TAFA2: variants seen among roughly 807,000 people sequenced by gnomAD.
TAFA2 encodes TAFA chemokine like family member 2.
A neutral mutation model predicts 18.8 loss-of-function variants in TAFA2; 7 were observed. The observed-to-expected ratio is 0.37, with a 90% CI of 0.21 to 0.70. The LOEUF (loss-of-function observed/expected upper bound fraction) is 0.70. TAFA2 is among the 30% of genes least tolerant of loss of function. The pLI, the probability that TAFA2 is intolerant of heterozygous loss-of-function variation, is 0.53. For missense variants in TAFA2, 122 were observed against 158.1 expected (o/e 0.77, Z 1.23); for synonymous variants, 60 against 54.2 (o/e 1.11, Z -0.47).
At chr12:62,228,309 C>T (rs1326761403) in intron 1 of TAFA2, among the ~76,000 whole-genome samples, 2 of 152,076 alleles carry the variant, frequency 1.3e-5, no homozygotes, top group Non-Finnish European at 2.9e-5. Context: ...GGGTTGATTT[C>T]ATGTCTTTGC....
intron 1 of TAFA2, among the ~76,000 whole-genome samples, chr12:62,035,556 A>G (rs763166674): frequency 3.7e-4 from 38 of 101,786 alleles, no homozygotes; most frequent in Non-Finnish European, 6.0e-4. Flanking sequence ...AAAAAAAATT[A>G]AAAAAAAAAA....
At chr12:62,113,992 G>A (rs1869848066) in intron 1 of TAFA2, among the ~76,000 whole-genome samples, 1 of 152,192 alleles carries the variant, frequency 6.6e-6, no homozygotes, top group South Asian at 2.1e-4. Flanking sequence ...CTTTCCAAGG[G>A]AGTGAATGAT....
At chr12:61,792,313 C>T (rs1051092170) in intron 2 of TAFA2, among the ~76,000 whole-genome samples, 3 of 151,232 alleles carry the variant, frequency 2.0e-5, no homozygotes, top group African/African-American at 4.8e-5. Context: ...GAAAAATAAG[C>T]CCTGGTGTTT....
intron 1 of TAFA2, among the ~76,000 whole-genome samples, chr12:62,039,145 A>G (rs1429066299): frequency 6.6e-6 from 1 of 152,228 alleles, no homozygotes; most frequent in African/African-American, 2.4e-5. Context: ...ATGTAGACCC[A>G]GAATTACCAA....
chr12:62,136,280 G>T (rs1050677401), intron 1 of TAFA2, among the ~76,000 whole-genome samples: 6 of 152,074 alleles, frequency 3.9e-5, no homozygotes, highest in Admixed American at 2.0e-4. Context: ...ACCCACAATT[G>T]TTGTGAATCG....
intron 1 of TAFA2, among the ~76,000 whole-genome samples, chr12:62,064,849 A>G (rs1220173701): frequency 6.6e-6 from 1 of 151,986 alleles, no homozygotes; most frequent in African/African-American, 2.4e-5. Flanking sequence ...AGAACTTCCA[A>G]TACCTATTAC....
intron 1 of TAFA2, among the ~76,000 whole-genome samples, chr12:61,895,882 T>A (rs1875820322): frequency 1.3e-5 from 2 of 152,076 alleles, no homozygotes; most frequent in South Asian, 4.1e-4. Flanking sequence ...ATCCTAAAGA[T>A]ACGTGTCAGA....
intron 1 of TAFA2, among the ~76,000 whole-genome samples, chr12:62,023,933 A>G (rs1177826230): frequency 1.3e-5 from 2 of 152,226 alleles, no homozygotes; most frequent in African/African-American, 4.8e-5. Flanking sequence ...GGAGAGTTAA[A>G]TAGGCATTTG....
chr12:61,852,627 A>G (rs1873722268), intron 2 of TAFA2, among the ~76,000 whole-genome samples: 1 of 152,182 alleles, frequency 6.6e-6, no homozygotes, highest in Non-Finnish European at 1.5e-5. Flanking sequence ...CATAAATACT[A>G]AGAAGAAATC....
At chr12:61,979,422 A>G (rs1879552640) in intron 1 of TAFA2, among the ~76,000 whole-genome samples, 1 of 152,144 alleles carries the variant, frequency 6.6e-6, no homozygotes, top group Non-Finnish European at 1.5e-5. Context: ...ATTATATCAT[A>G]TGAATAAAAA....
chr12:62,019,052 C>T (rs1881031935), intron 1 of TAFA2, among the ~76,000 whole-genome samples: 1 of 152,206 alleles, frequency 6.6e-6, no homozygotes, highest in Non-Finnish European at 1.5e-5. Context: ...GACATTTATG[C>T]AGCCAAAAGA....
At chr12:61,836,785 C>T (rs1245103360) in intron 2 of TAFA2, among the ~76,000 whole-genome samples, 1 of 104,928 alleles carries the variant, frequency 9.5e-6, no homozygotes. Flanking sequence ...ACATATATAT[C>T]ATTGTTATAA....
At chr12:62,177,062 A>T (rs533213863) in intron 1 of TAFA2, among the ~76,000 whole-genome samples, 1 of 152,354 alleles carries the variant, frequency 6.6e-6, no homozygotes, top group East Asian at 1.9e-4. Context: ...TACTTAGCAC[A>T]GTGCCTGGCA....
chr12:61,789,928 C>T (rs1870902081), intron 2 of TAFA2, among the ~76,000 whole-genome samples: 2 of 151,834 alleles, frequency 1.3e-5, no homozygotes, highest in Admixed American at 6.6e-5. Flanking sequence ...AAACTACAGG[C>T]CAATATCCCT....
intron 1 of TAFA2, among the ~76,000 whole-genome samples, chr12:62,222,054 T>G (rs1448595847): frequency 6.6e-6 from 1 of 151,974 alleles, no homozygotes; most frequent in East Asian, 1.9e-4. Flanking sequence ...TGAAAAAAAG[T>G]AAGATTAAAA....
chr12:62,226,435 G>T (rs758470911), intron 1 of TAFA2, among the ~76,000 whole-genome samples: 1 of 152,062 alleles, frequency 6.6e-6, no homozygotes, highest in Non-Finnish European at 1.5e-5. Context: ...CTGACCTCAC[G>T]ATCCACCCTC....
intron 1 of TAFA2, among the ~76,000 whole-genome samples, chr12:61,938,168 G>T (rs894503778): frequency 3.4e-5 from 4 of 119,274 alleles, no homozygotes; most frequent in Admixed American, 1.1e-4. Flanking sequence ...TTGGCAAAAA[G>T]ATTTCACCAC....
intron 1 of TAFA2, among the ~76,000 whole-genome samples, chr12:62,033,445 A>G (rs1382151736): frequency 6.6e-6 from 1 of 152,170 alleles, no homozygotes. Context: ...CCTACATTTG[A>G]TCAGATCCCA....
intron 1 of TAFA2, among the ~76,000 whole-genome samples, chr12:61,935,795 C>A (rs908355559): frequency 6.6e-6 from 1 of 151,644 alleles, no homozygotes; most frequent in Non-Finnish European, 1.5e-5. Context: ...CAAGATTGAA[C>A]TAGGAAGAAA....
Sources: allele counts gnomAD v4.1 joint callset (sites outside exome capture counted in the v4.1 genomes callset), GRCh38; gene constraint gnomAD v4.1.1; transcripts MANE v1.5; gene names NCBI Gene and HGNC (gene_info 2026-07-23, HGNC 2026-07-21).